Variants in LOXL1 observed in about 807,000 individuals in gnomAD.
LOXL1 encodes lysyl oxidase like 1, also known as lysyl oxidase homolog 1.
A neutral mutation model predicts 62.2 loss-of-function variants in LOXL1; 31 were observed. The ratio of observed to expected loss-of-function variants is 0.50; its 90% CI spans 0.37 to 0.67. LOXL1 has a LOEUF of 0.67. Among genes scored for constraint, LOXL1 ranks in the 30% least tolerant of loss-of-function variants. LOXL1 has a pLI of 0.00. For missense variants in LOXL1, 775 were observed against 843.4 expected, an observed-to-expected ratio of 0.92 and a Z score of 1.00; for synonymous variants, 403 against 384.4, an observed-to-expected ratio of 1.05 and a Z score of -0.56.
rs1033437867 is a variant in LOXL1 at position 73,947,082 on chromosome 15, G to A, written c.1365G>A (p.Met455Ile). 3.1e-6 allele frequency: 5 copies of A among 1,609,370 alleles called. No homozygotes were observed. Among genetic ancestry groups the A allele is most frequent in the Non-Finnish European group, 4.3e-6 (5 of 1,176,440 alleles). The change falls in exon 4 of 7, where the codon ATG becomes ATA. Residue 455 changes from methionine (M) to isoleucine (I), a missense_variant. Coordinates refer to ENST00000261921, the MANE Select transcript of LOXL1 (RefSeq NM_005576.4). ...CTGCCCCTAGGCATTACCACAGCAT[G>A]GACGAGTTCAGCCACTACGACCTAC... ...WHSCHQHYHS[M>I]DEFSHYDLLD...
At chr15:73,951,755 A>T in intron 6 of LOXL1, 76 bp from the exon 7 acceptor site, 2 of 1,358,038 alleles carry the variant, frequency 1.5e-6, no homozygotes, top group South Asian at 1.6e-5. Flanking sequence ...GGGCTGTGGG[A>T]GGGACGCCCT....
intron 1 of LOXL1, among the ~76,000 whole-genome samples, chr15:73,931,872 A>G (rs990926332): frequency 2.6e-5 from 4 of 152,232 alleles, no homozygotes; most frequent in African/African-American, 4.8e-5. Flanking sequence ...TAGAGCCCAG[A>G]GGCAGGGATA....
intron 1 of LOXL1, among the ~76,000 whole-genome samples, chr15:73,938,091 A>G (rs960414620): frequency 6.6e-6 from 1 of 152,170 alleles, no homozygotes; most frequent in African/African-American, 2.4e-5. Context: ...GTTCGAGACC[A>G]GGCTGGCCAA....
chr15:73,947,041 T>C, intron 3 of LOXL1, 26 bp from the exon 4 acceptor site: 1 of 1,564,966 alleles, frequency 6.4e-7, no homozygotes, highest in Non-Finnish European at 8.7e-7. Context: ...GGCCCTCTTC[T>C]TTCTCCTTCT....
chr15:73,933,607 ATCC>A (rs1266800400), intron 1 of LOXL1, among the ~76,000 whole-genome samples: 4 of 152,160 alleles, frequency 2.6e-5, no homozygotes, highest in African/African-American at 9.7e-5. Context: ...TCACTGCAGC[ATCC>A]TCTGCTCTCA....
chr15:73,928,561 G>A (rs1231391328), intron 1 of LOXL1, among the ~76,000 whole-genome samples: 1 of 138,956 alleles, frequency 7.2e-6, no homozygotes, highest in South Asian at 2.3e-4. Context: ...TAGTTGAGAT[G>A]AGTAATATTG....
In LOXL1 at chr15:73,930,848, A is replaced by G. The variant is rs976329771; in HGVS notation, c.1102+2963A>G. Among the ~76,000 whole-genome samples the G allele has an allele frequency of 2.0e-5, 3 of 152,164 alleles. No individual in the cohort carries two copies. Among genetic ancestry groups the G allele is most frequent in the African/African-American group, 7.2e-5 (3 of 41,440 alleles). On this transcript the variant is annotated intron_variant, in intron 1 of 6. Coordinates refer to ENST00000261921, the MANE Select transcript of LOXL1 (RefSeq NM_005576.4). This position sits in a 1 kb window ranked among gnomAD's most constrained non-coding sequence, Gnocchi z 4.7. ...AAACATGAAACTGAAAAGAAACTAG[A>G]GGAAACAGAGGCCCAGAGAGGGTCA...
rs1461223341 is a variant in LOXL1 at position 73,927,448 on chromosome 15, C to T, written c.665C>T (p.Ala222Val). The change falls in exon 1 of 7, where the codon GCG becomes GTG. Residue 222 changes from alanine (A) to valine (V), a missense_variant. Transcript: ENST00000261921. The stretch of plus-strand genomic sequence containing the variant: ...GCGGGGGCGGCGGCCGTGGCCTCGG[C>T]GGGGGTCATCTACCCCTACCAGCCC... Reference protein sequence around the residue: ...VGAGAAAVASAGVIYPYQPRA... With the variant: ...VGAGAAAVASVGVIYPYQPRA... The T allele has an allele frequency of 6.9e-7, 1 of 1,451,650 alleles. No individual in the cohort carries two copies. Among genetic ancestry groups the T allele is most frequent in the Non-Finnish European group, 9.1e-7 (1 of 1,104,356 alleles). The allele number at this position is 1,451,650 out of a possible 1,614,324, so 89.9% of individuals were successfully genotyped here.
At position 73,927,765 on chromosome 15, in the gene LOXL1, G is replaced by C; in HGVS notation, c.982G>C (p.Glu328Gln). ...PEAYGPPRAL[E>Q]PPYLPVRSSD... is the part of the protein sequence containing the mutation. ...GGCGTACGGGCCGCCGCGCGCGCTG[G>C]AGCCGCCCTACCTGCCGGTGCGCAG... is the stretch of plus-strand genomic sequence containing the variant. Residue 328 changes from glutamate (E) to glutamine (Q), a missense_variant, in exon 1 of 7, where the codon GAG becomes CAG. Glu to Gln is a conservative substitution (Grantham distance 29). Transcript: ENST00000261921. 1.4e-6 allele frequency: 2 copies of C among 1,443,086 alleles called. No homozygotes were observed. The highest frequency in any genetic ancestry group is 1.8e-6 in the Non-Finnish European group (2 of 1,104,122). 89.4% of individuals were successfully genotyped at this position (1,443,086 alleles called of 1,614,324 possible). A position where few individuals can be genotyped will look rare whatever the true frequency, so the allele number is the denominator to read the frequency against.
intron 1 of LOXL1, among the ~76,000 whole-genome samples, chr15:73,939,346 G>T (rs980480992): frequency 6.6e-6 from 1 of 152,136 alleles, no homozygotes; most frequent in African/African-American, 2.4e-5. Flanking sequence ...GAGGCGGGGG[G>T]GCCTGGCCTG....
Position 73,926,636 on chromosome 15 carries a change from C to T in LOXL1, c.-148C>T, listed in dbSNP as rs561304085. ...GAAATGCTGTCATCGGAGGAGCCGTCCCGCTCGGGACAAGGCCAGCATGGA... is the reference window on the plus strand; with the variant it reads ...GAAATGCTGTCATCGGAGGAGCCGTTCCGCTCGGGACAAGGCCAGCATGGA... On this transcript the variant is annotated 5_prime_UTR_variant, in exon 1 of 7. Coordinates refer to ENST00000261921, the MANE Select transcript of LOXL1 (RefSeq NM_005576.4). 1 of 947,252 alleles carries T rather than the reference C, an allele frequency of 1.1e-6. No individual in the cohort carries two copies. The highest frequency in any genetic ancestry group is 1.4e-6 in the Non-Finnish European group (1 of 700,186). 58.7% of individuals were successfully genotyped at this position (947,252 alleles called of 1,614,324 possible).
intron 1 of LOXL1, among the ~76,000 whole-genome samples, chr15:73,934,533 C>T (rs1426253236): frequency 6.6e-6 from 1 of 152,212 alleles, no homozygotes; most frequent in Non-Finnish European, 1.5e-5. Flanking sequence ...CCACTCACCC[C>T]TGCCCTCATG....
At position 73,945,570 on chromosome 15, in the gene LOXL1, T is replaced by C. The variant is rs886708911; in HGVS notation, c.1212-847T>C. On this transcript the variant is annotated intron_variant, in intron 2 of 6. Transcript: ENST00000261921. This position sits in a 1 kb window ranked among gnomAD's most constrained non-coding sequence, Gnocchi z 4.3. ...GTGTGTGGGGGAGTGGAAGGGCAGA[T>C]GGGACTAGAAAAGTGAAGAGGCTTT... Among the ~76,000 whole-genome samples, 2 of 152,180 alleles carry C rather than the reference T, an allele frequency of 1.3e-5. No homozygotes were observed. The highest frequency in any genetic ancestry group is 2.9e-5 in the Non-Finnish European group (2 of 68,028).
intron 2 of LOXL1, among the ~76,000 whole-genome samples, chr15:73,944,744 G>A (rs928476172): frequency 1.3e-5 from 2 of 152,166 alleles, no homozygotes; most frequent in African/African-American, 2.4e-5. Context: ...GGTTTCCCAC[G>A]GTGTGCTGAG....
intron 2 of LOXL1, 156 bp from the exon 3 acceptor site, chr15:73,946,261 C>G (rs1391832459): frequency 1.6e-6 from 1 of 609,844 alleles, no homozygotes; most frequent in Non-Finnish European, 2.9e-6. Flanking sequence ...GAGCCTCCGC[C>G]ACAGTTCGAG....
intron 1 of LOXL1, among the ~76,000 whole-genome samples, chr15:73,936,748 A>G (rs919519512): frequency 6.6e-6 from 1 of 152,234 alleles, no homozygotes; most frequent in Non-Finnish European, 1.5e-5. Context: ...TCTCAGCGCC[A>G]GGCAGCCTCC....
Position 73,947,829 on chromosome 15 carries a change from A to T in LOXL1, c.1529A>T (p.Asp510Val). 6.2e-7 allele frequency: 1 copy of T among 1,613,128 alleles called. No individual in the cohort carries two copies. The highest frequency in any genetic ancestry group is 8.5e-7 in the Non-Finnish European group (1 of 1,179,390). Residue 510 changes from aspartate to valine, a missense_variant, in exon 5 of 7, where the codon GAC (aspartate) becomes GTC (valine). Asp to Val is a radical substitution (Grantham distance 152). Transcript: ENST00000261921. ...CAGGGCCTGAGCCCAGGCTGCTATG[A>T]CACCTACAATGCGGACATCGACTGC... Reference protein sequence around the residue: ...HTQGLSPGCYDTYNADIDCQW... With the variant: ...HTQGLSPGCYVTYNADIDCQW...
intron 1 of LOXL1, among the ~76,000 whole-genome samples, chr15:73,933,524 C>G (rs1402280937): frequency 6.6e-6 from 1 of 152,246 alleles, no homozygotes; most frequent in African/African-American, 2.4e-5. Context: ...TTATGGGCAC[C>G]AGGTTACTGC....
intron 1 of LOXL1, among the ~76,000 whole-genome samples, chr15:73,941,638 T>G (rs1252340746): frequency 6.6e-6 from 1 of 152,098 alleles, no homozygotes; most frequent in African/African-American, 2.4e-5. Context: ...ATCACTTACC[T>G]GACAGAATCC....
Sources: allele counts gnomAD v4.1 joint callset (sites outside exome capture counted in the v4.1 genomes callset), GRCh38; gene constraint gnomAD v4.1.1; non-coding constraint Gnocchi (gnomAD v3.1); transcripts MANE v1.5; gene names NCBI Gene and HGNC (gene_info 2026-07-23, HGNC 2026-07-21).